Variants in GRIK2 observed in about 807,000 individuals in gnomAD.
The protein encoded by GRIK2 is glutamate receptor ionotropic, kainate 2.
GRIK2 carries 32 observed loss-of-function variants against 100.3 expected under a neutral mutation model. That is an observed-to-expected ratio of 0.32 (90% confidence interval 0.24 to 0.43). The LOEUF is 0.43. Ranked by LOEUF, GRIK2 falls within the 20% of genes least tolerant of loss-of-function variation. The pLI is 1.00. For synonymous variants in GRIK2, 417 were observed against 389.4 expected (o/e 1.07, Z -0.83); for missense variants, 843 against 1,114.9 (o/e 0.76, Z 3.47).
At chr6:101,491,499 C>T (rs1773108612) in intron 2 of GRIK2, among the ~76,000 whole-genome samples, 1 of 151,966 alleles carries the variant, frequency 6.6e-6, no homozygotes, top group Admixed American at 6.6e-5. Flanking sequence ...TTATCAAAAA[C>T]TCACACATAT....
chr6:101,994,030 T>C (rs180837080), intron 14 of GRIK2, among the ~76,000 whole-genome samples: 1 of 148,460 alleles, frequency 6.7e-6, no homozygotes, highest in African/African-American at 2.4e-5. Context: ...ATATATACAT[T>C]ATATACAGAT....
chr6:101,999,720 A>T (rs1794833857), intron 14 of GRIK2, among the ~76,000 whole-genome samples: 1 of 152,116 alleles, frequency 6.6e-6, no homozygotes, highest in African/African-American at 2.4e-5. Flanking sequence ...TTGACTAGGA[A>T]TAGTAAGAAA....
chr6:101,895,581 TTAAAAA>T (rs1164718527), intron 12 of GRIK2, among the ~76,000 whole-genome samples: 9 of 151,900 alleles, frequency 5.9e-5, no homozygotes, highest in African/African-American at 2.2e-4. Flanking sequence ...TATTATGCAC[TTAAAAA>T]TAGATAACTG....
chr6:101,460,133 G>A (rs940969713), intron 2 of GRIK2, among the ~76,000 whole-genome samples: 2 of 152,032 alleles, frequency 1.3e-5, no homozygotes, highest in African/African-American at 2.4e-5. Context: ...TCTCTCCCCA[G>A]TGTCTAGTTG....
chr6:101,668,280 C>T (rs1189002466), intron 4 of GRIK2, among the ~76,000 whole-genome samples: 1 of 152,142 alleles, frequency 6.6e-6, no homozygotes, highest in African/African-American at 2.4e-5. Context: ...AAAAAATCCG[C>T]ATCACCACCC....
At chr6:101,842,866 C>T (rs750189959) in intron 10 of GRIK2, among the ~76,000 whole-genome samples, 7 of 152,070 alleles carry the variant, frequency 4.6e-5, no homozygotes, top group Non-Finnish European at 8.8e-5. Context: ...TATTCTAATT[C>T]ATTTCTCTAT....
chr6:101,751,763 T>C (rs1263279402), intron 7 of GRIK2, among the ~76,000 whole-genome samples: 1 of 152,208 alleles, frequency 6.6e-6, no homozygotes, highest in Non-Finnish European at 1.5e-5. Context: ...AATTGGTGGT[T>C]GGTTCTAGAG....
intron 2 of GRIK2, among the ~76,000 whole-genome samples, chr6:101,510,017 TTTAA>T (rs1191239914): frequency 7.2e-5 from 11 of 152,240 alleles, no homozygotes; most frequent in Admixed American, 2.0e-4. Context: ...TATGCATTTA[TTTAA>T]TTAACTGGCT....
chr6:101,479,930 A>G (rs1305849462), intron 2 of GRIK2, among the ~76,000 whole-genome samples: 1 of 152,170 alleles, frequency 6.6e-6, no homozygotes, highest in Admixed American at 6.5e-5. Context: ...AAATCACAGT[A>G]TATTTAATAG....
rs978248010 is a variant in GRIK2, at chr6:101,955,615, T to TCC, written c.2085+26989_2085+26990dup. Among the ~76,000 whole-genome samples, 283 of 93,102 alleles carry TCC rather than the reference T, an allele frequency of 3.0e-3. 1 individual carries two copies. The highest frequency in any genetic ancestry group is 0.011 in the African/African-American group (268 of 23,806). 61.1% of individuals were successfully genotyped at this position (93,102 alleles called of 152,430 possible). ...CTCTCTCTCTCTCTCTCTCTCTCTC[T>TCC]CCCCCCCATTTCTTTTACAGTCAGA... On this transcript the variant is annotated intron_variant, in intron 14 of 16. Transcript: ENST00000369134.
At chr6:101,762,893 A>G (rs1486118357) in intron 7 of GRIK2, among the ~76,000 whole-genome samples, 4 of 152,160 alleles carry the variant, frequency 2.6e-5, no homozygotes, top group African/African-American at 9.7e-5. Context: ...GATTTTTAAA[A>G]ATGTATTTGT....
At chr6:101,867,992 TA>T (rs1785160550) in intron 11 of GRIK2, among the ~76,000 whole-genome samples, 1 of 135,114 alleles carries the variant, frequency 7.4e-6, no homozygotes, top group South Asian at 2.1e-4. Context: ...TTAAGCTACT[TA>T]AAATGTCTGT....
In GRIK2 at chr6:102,010,915, GTTTA is replaced by G. The variant is rs201739451; in HGVS notation, c.2086-24420_2086-24417del. Reference sequence around the variant, plus strand: ...TATTCCATTGAGTTGGTGTACCTCAGTTTATTTATCCACCCATCTCATGAAAAAC... The same window carrying G: ...TATTCCATTGAGTTGGTGTACCTCAGTTTATCCACCCATCTCATGAAAAAC... On this transcript the variant is annotated intron_variant, in intron 14 of 16. Transcript: ENST00000369134. Among the ~76,000 whole-genome samples, 915 of 151,898 alleles carry G rather than the reference GTTTA, an allele frequency of 6.0e-3. 3 individuals are homozygous for G. Among genetic ancestry groups the G allele is most frequent in the Non-Finnish European group, 9.6e-3 (651 of 67,948 alleles).
chr6:101,884,388 G>T (rs917465044), intron 11 of GRIK2, among the ~76,000 whole-genome samples: 17 of 152,082 alleles, frequency 1.1e-4, no homozygotes, highest in African/African-American at 4.1e-4. Context: ...ACCTTTAGAA[G>T]TATGCATAAG....
intron 14 of GRIK2, among the ~76,000 whole-genome samples, chr6:102,031,808 T>C (rs1040714836): frequency 6.6e-6 from 1 of 151,380 alleles, no homozygotes; most frequent in Admixed American, 6.6e-5. Context: ...TTTTGTTCTT[T>C]TTTATGACTG....
rs190058285 is a variant in GRIK2 at position 101,986,597 on chromosome 6, G to A, written c.2086-48744G>A. ...TGCTTTTTCTATTAGGTATGGTTGA[G>A]CATAAAAACTCATATTTTCAGTTTT... On this transcript the variant is annotated intron_variant, in intron 14 of 16. Transcript: ENST00000369134. Among the ~76,000 whole-genome samples the A allele has an allele frequency of 3.7e-4, 56 of 151,980 alleles. No homozygotes were observed. In the East Asian group the frequency reaches 9.7e-3, roughly 26 times the overall value.
chr6:101,550,417 G>T (rs943828550), intron 2 of GRIK2, among the ~76,000 whole-genome samples: 1 of 152,092 alleles, frequency 6.6e-6, no homozygotes, highest in Admixed American at 6.6e-5. Flanking sequence ...GAAATGATTT[G>T]CTCCATCATT....
At chr6:101,711,916 G>C (rs1034985563) in intron 7 of GRIK2, among the ~76,000 whole-genome samples, 87 of 151,698 alleles carry the variant, frequency 5.7e-4, no homozygotes, top group African/African-American at 2.1e-3. Flanking sequence ...ATTTAGAAAA[G>C]GTTCTTATTG....
chr6:101,951,622 G>A (rs1791611740), intron 14 of GRIK2, among the ~76,000 whole-genome samples: 1 of 152,174 alleles, frequency 6.6e-6, no homozygotes, highest in Non-Finnish European at 1.5e-5. Context: ...CGTGTCATGG[G>A]AGGGAACCAG....
Sources: allele counts gnomAD v4.1 joint callset (sites outside exome capture counted in the v4.1 genomes callset), GRCh38; gene constraint gnomAD v4.1.1; transcripts MANE v1.5; gene names NCBI Gene and HGNC (gene_info 2026-07-23, HGNC 2026-07-21).